The following LMNTD1 variants were observed in gnomAD, a reference collection of about 807,000 sequenced individuals.
The protein encoded by LMNTD1 is lamin tail domain-containing protein 1.
In LMNTD1, 35 loss-of-function variants were observed where a neutral mutation model predicts 50.9. The observed-to-expected ratio is 0.69, with a 90% CI of 0.53 to 0.91. The LOEUF (loss-of-function observed/expected upper bound fraction) is 0.91, where lower values mean the gene tolerates loss of function less well. Ranked by LOEUF, LMNTD1 falls within the 40% of genes least tolerant of loss-of-function variation. The pLI, the probability that LMNTD1 is intolerant of heterozygous loss-of-function variation, is 0.00. For synonymous variants in LMNTD1, 153 were observed against 161.9 expected, an observed-to-expected ratio of 0.94 and a Z score of 0.42; for missense variants, 470 against 475.5, an observed-to-expected ratio of 0.99 and a Z score of 0.11.
chr12:25,487,081 G>T (rs1408838923), intron 9 of LMNTD1, among the ~76,000 whole-genome samples: 5 of 149,224 alleles, frequency 3.4e-5, no homozygotes, highest in African/African-American at 9.9e-5. Context: ...GAATAGGTGT[G>T]GTGTGGTGCT....
intron 3 of LMNTD1, 22 bp downstream of exon 3, chr12:25,549,304 A>G: frequency 7.4e-7 from 1 of 1,356,448 alleles, no homozygotes; most frequent in Admixed American, 1.8e-5. Context: ...CTCTAAAAAT[A>G]TGGGTTCCAT....
At chr12:25,596,128 C>T (rs1200795507) in intron 1 of LMNTD1, among the ~76,000 whole-genome samples, 1 of 151,968 alleles carries the variant, frequency 6.6e-6, no homozygotes, top group Admixed American at 6.6e-5. Context: ...GATCCTGGAC[C>T]AGATGGATTC....
chr12:25,545,660 G>T (rs893638795), intron 4 of LMNTD1, among the ~76,000 whole-genome samples: 1 of 151,574 alleles, frequency 6.6e-6, no homozygotes. Context: ...ATCTGATGAG[G>T]TGTTTTTAGA....
chr12:25,632,572 A>G (rs1373741439), intron 1 of LMNTD1, among the ~76,000 whole-genome samples: 1 of 152,206 alleles, frequency 6.6e-6, no homozygotes, highest in African/African-American at 2.4e-5. Flanking sequence ...GGAAAGATAC[A>G]GTCTTTTTTG....
At chr12:25,622,385 T>C (rs990437726) in intron 1 of LMNTD1, among the ~76,000 whole-genome samples, 1 of 151,146 alleles carries the variant, frequency 6.6e-6, no homozygotes, top group African/African-American at 2.4e-5. Flanking sequence ...AACTGCAGAG[T>C]TCATGCATGA....
At chr12:25,550,960 T>C (rs1591992280) in intron 2 of LMNTD1, among the ~76,000 whole-genome samples, 2 of 152,326 alleles carry the variant, frequency 1.3e-5, no homozygotes, top group African/African-American at 4.8e-5. Flanking sequence ...ACTCCAAGCA[T>C]TCATATTTGT....
At chr12:25,591,613 C>T (rs774471771) in intron 1 of LMNTD1, among the ~76,000 whole-genome samples, 16 of 152,148 alleles carry the variant, frequency 1.1e-4, no homozygotes, top group Non-Finnish European at 2.9e-5. Context: ...AGGACACAGG[C>T]CTGGCTGGCC....
chr12:25,559,157 T>C (rs971717462), intron 1 of LMNTD1, among the ~76,000 whole-genome samples: 8 of 152,000 alleles, frequency 5.3e-5, no homozygotes, highest in African/African-American at 1.7e-4. Flanking sequence ...TAACTCGTCA[T>C]TTACATTAGG....
chr12:25,590,845 G>A (rs1343380591), intron 1 of LMNTD1, among the ~76,000 whole-genome samples: 1 of 152,176 alleles, frequency 6.6e-6, no homozygotes, highest in Non-Finnish European at 1.5e-5. Context: ...CTGCTGTATT[G>A]AAGGGAGGGA....
intron 9 of LMNTD1, among the ~76,000 whole-genome samples, chr12:25,484,249 A>G (rs370398769): frequency 1.7e-4 from 26 of 152,046 alleles, no homozygotes; most frequent in East Asian, 1.2e-3. Context: ...TGCTTCTTGA[A>G]GCATTGTTGT....
At chr12:25,499,715 T>C in intron 9 of LMNTD1, 1 of 150,476 alleles carries the variant, frequency 6.6e-6, no homozygotes, top group East Asian at 1.9e-4. Context: ...AGAAACCAGG[T>C]AACATACTTA....
intron 1 of LMNTD1, among the ~76,000 whole-genome samples, chr12:25,574,381 T>C (rs1425907963): frequency 6.6e-6 from 1 of 152,180 alleles, no homozygotes; most frequent in Non-Finnish European, 1.5e-5. Context: ...ATTCTGACTG[T>C]TCTCACAGAT....
intron 8 of LMNTD1, among the ~76,000 whole-genome samples, chr12:25,510,812 T>C (rs895977309): frequency 1.3e-5 from 2 of 152,178 alleles, no homozygotes; most frequent in Non-Finnish European, 2.9e-5. Flanking sequence ...TATACACATA[T>C]TAACTCCTAT....
Position 25,512,889 on chromosome 12 carries a change from T to C in LMNTD1, c.1189+5906A>G, listed in dbSNP as rs568927524. 1.6e-3 allele frequency among the ~76,000 whole-genome samples: 250 copies of C among 152,228 alleles called. 1 individual carries two copies. The highest frequency in any genetic ancestry group is 5.8e-3 in the African/African-American group (241 of 41,548). On this transcript the variant is annotated intron_variant, in intron 8 of 9. Transcript: ENST00000458174. ...TGGGGGGGGGCTTTAATGAAACCTC[T>C]TCTCATGACTCCCAAAACATCAGAA...
intron 4 of LMNTD1, among the ~76,000 whole-genome samples, chr12:25,528,716 A>G (rs1210308888): frequency 6.6e-6 from 1 of 152,072 alleles, no homozygotes; most frequent in African/African-American, 2.4e-5. Flanking sequence ...CCCCATTTCC[A>G]TGGAAGAGGC....
At chr12:25,635,612 C>T (rs1946815165) in intron 1 of LMNTD1, among the ~76,000 whole-genome samples, 1 of 152,152 alleles carries the variant, frequency 6.6e-6, no homozygotes, top group South Asian at 2.1e-4. Flanking sequence ...CACAATCATT[C>T]TTCACAGAAT....
upstream of LMNTD1, among the ~76,000 whole-genome samples, chr12:25,554,893 G>A (rs898013619): frequency 3.9e-5 from 6 of 151,916 alleles, no homozygotes; most frequent in Admixed American, 6.6e-5. Context: ...ATGAAACCCC[G>A]TCTCTACTAA....
chr12:25,561,240 G>A (rs1284134423), intron 1 of LMNTD1, among the ~76,000 whole-genome samples: 1 of 152,156 alleles, frequency 6.6e-6, no homozygotes, highest in African/African-American at 2.4e-5. Context: ...ATGTTAGGGT[G>A]TCAATTTTAG....
At chr12:25,616,110 A>G (rs980550252) in intron 1 of LMNTD1, among the ~76,000 whole-genome samples, 1 of 151,952 alleles carries the variant, frequency 6.6e-6, no homozygotes, top group Non-Finnish European at 1.5e-5. Context: ...ACACACACAC[A>G]CACACACACA....
Sources: allele counts gnomAD v4.1 joint callset (sites outside exome capture counted in the v4.1 genomes callset), GRCh38; gene constraint gnomAD v4.1.1; transcripts MANE v1.5; gene names NCBI Gene and HGNC (gene_info 2026-07-23, HGNC 2026-07-21).